The following INPP4B variants were observed in gnomAD, a reference collection of about 807,000 sequenced individuals.
The protein encoded by INPP4B is inositol polyphosphate-4-phosphatase type II B.
In INPP4B, 55 loss-of-function variants were observed where a neutral mutation model predicts 122.5. The ratio of observed to expected loss-of-function variants is 0.45; its 90% CI spans 0.36 to 0.56. INPP4B has a LOEUF of 0.56. Among genes scored for constraint, INPP4B ranks in the 20% least tolerant of loss-of-function variants. The pLI is 0.00. For missense variants in INPP4B, 1,000 were observed against 1,097.7 expected (o/e 0.91, Z 1.26); for synonymous variants, 403 against 388.7 (o/e 1.04, Z -0.43).
chr4:142,197,845 A>C (rs113009050), intron 14 of INPP4B, among the ~76,000 whole-genome samples: 22 of 152,288 alleles, frequency 1.4e-4, no homozygotes, highest in African/African-American at 5.1e-4. Flanking sequence ...ATGAGATTAA[A>C]TAATGTGTCT....
At chr4:142,665,010 C>T (rs7670457) in intron 2 of INPP4B, among the ~76,000 whole-genome samples, 130,164 of 152,206 alleles carry the variant, frequency 0.86, 55,713 homozygotes, top group African/African-American at 0.89. Flanking sequence ...CTAAGTACTA[C>T]AGCCAATTGT....
intron 2 of INPP4B, among the ~76,000 whole-genome samples, chr4:142,607,065 T>TAGAA (rs1488946183): frequency 6.6e-6 from 1 of 151,896 alleles, no homozygotes; most frequent in African/African-American, 2.4e-5. Flanking sequence ...TGTTTTCTAT[T>TAGAA]TTACATATAT....
chr4:142,771,226 AT>A (rs948640798), intron 1 of INPP4B, among the ~76,000 whole-genome samples: 1 of 152,172 alleles, frequency 6.6e-6, no homozygotes, highest in African/African-American at 2.4e-5. Context: ...ACCATACCAC[AT>A]GAACAAAGAG....
intron 1 of INPP4B, among the ~76,000 whole-genome samples, chr4:142,802,140 C>G (rs535438277): frequency 6.6e-6 from 1 of 152,014 alleles, no homozygotes; most frequent in Non-Finnish European, 1.5e-5. Context: ...GAAAGCCTAC[C>G]CAGAAGACAT....
chr4:142,654,298 C>T (rs988785425), intron 2 of INPP4B, among the ~76,000 whole-genome samples: 5 of 143,280 alleles, frequency 3.5e-5, no homozygotes, highest in Admixed American at 2.9e-4. Flanking sequence ...TGCAGCAAAC[C>T]AACATGCCAC....
At chr4:142,524,772 G>A (rs1408625119) in intron 2 of INPP4B, among the ~76,000 whole-genome samples, 1 of 151,890 alleles carries the variant, frequency 6.6e-6, no homozygotes, top group African/African-American at 2.4e-5. Context: ...CAAACCCACA[G>A]CCAATATCAT....
At chr4:142,317,222 G>C in intron 7 of INPP4B, 1 of 295,818 alleles carries the variant, frequency 3.4e-6, no homozygotes. Flanking sequence ...AGGGGGAAGG[G>C]TGCAGGATTT....
chr4:142,456,622 TTTCA>T (rs1428293758), intron 3 of INPP4B, among the ~76,000 whole-genome samples: 13 of 152,250 alleles, frequency 8.5e-5, no homozygotes, highest in African/African-American at 2.4e-4. Flanking sequence ...GAACATAAAA[TTTCA>T]TTCAGTTTTG....
At chr4:142,806,123 C>T (rs1312319548) in intron 1 of INPP4B, among the ~76,000 whole-genome samples, 2 of 151,574 alleles carry the variant, frequency 1.3e-5, no homozygotes, top group African/African-American at 4.8e-5. Context: ...ACTAAAAATA[C>T]AAGAAATAAG....
At chr4:142,143,516 C>A (rs1808960778) in intron 18 of INPP4B, among the ~76,000 whole-genome samples, 1 of 152,012 alleles carries the variant, frequency 6.6e-6, no homozygotes, top group Non-Finnish European at 1.5e-5. Context: ...CCCACACATA[C>A]ACATGCATTG....
At chr4:142,554,548 A>G (rs1242630245) in intron 2 of INPP4B, among the ~76,000 whole-genome samples, 1 of 152,078 alleles carries the variant, frequency 6.6e-6, no homozygotes, top group East Asian at 1.9e-4. Context: ...TAACTACTGG[A>G]CAAGGTACTG....
At chr4:142,278,694 G>A (rs145611292) in intron 9 of INPP4B, among the ~76,000 whole-genome samples, 283 of 151,972 alleles carry the variant, frequency 1.9e-3, no homozygotes, top group Middle Eastern at 6.8e-3. Context: ...TTACTGGTTG[G>A]AGGATCAAAA....
intron 8 of INPP4B, among the ~76,000 whole-genome samples, chr4:142,310,705 C>T (rs1238410603): frequency 6.8e-6 from 1 of 146,380 alleles, no homozygotes; most frequent in African/African-American, 2.5e-5. Context: ...TTAACCATAA[C>T]AGGTATGGTT....
At chr4:142,253,156 G>T (rs1156899487) in intron 11 of INPP4B, among the ~76,000 whole-genome samples, 1 of 152,170 alleles carries the variant, frequency 6.6e-6, no homozygotes, top group Non-Finnish European at 1.5e-5. Flanking sequence ...TGGTACACCT[G>T]TAAAGGGCAT....
At chr4:142,594,951 T>C (rs1329834567) in intron 2 of INPP4B, among the ~76,000 whole-genome samples, 1 of 110,780 alleles carries the variant, frequency 9.0e-6, no homozygotes. Context: ...TGAGACTCTG[T>C]CTCAAAAAAA....
intron 1 of INPP4B, among the ~76,000 whole-genome samples, chr4:142,744,494 G>A (rs564057969): frequency 5.9e-5 from 9 of 151,810 alleles, no homozygotes; most frequent in East Asian, 1.9e-4. Flanking sequence ...CCCCAAACAC[G>A]TCATGGTCAA....
chr4:142,720,348 C>G (rs1022220285), intron 2 of INPP4B, among the ~76,000 whole-genome samples: 17 of 152,074 alleles, frequency 1.1e-4, no homozygotes, highest in Admixed American at 3.9e-4. Flanking sequence ...TTGCTGCTGA[C>G]ATCTAGTGGC....
intron 5 of INPP4B, among the ~76,000 whole-genome samples, chr4:142,422,135 G>A (rs950173795): frequency 6.6e-6 from 1 of 151,976 alleles, no homozygotes; most frequent in Non-Finnish European, 1.5e-5. Context: ...AGACTCCTGG[G>A]TTCAAATCTT....
At chr4:142,169,975 G>A (rs1049245320) in intron 16 of INPP4B, among the ~76,000 whole-genome samples, 10 of 151,636 alleles carry the variant, frequency 6.6e-5, no homozygotes, top group African/African-American at 9.7e-5. Flanking sequence ...TGAGAGATAC[G>A]TGAACACTGT....
Sources: gnomAD v4.1 joint callset for allele counts (sites outside exome capture counted in the v4.1 genomes callset) on GRCh38, gnomAD v4.1.1 for gene constraint, MANE v1.5 for transcripts, NCBI Gene and HGNC (gene_info 2026-07-23, HGNC 2026-07-21) for gene names.